TAOK3: variants seen among roughly 807,000 people sequenced by gnomAD.
TAOK3 encodes the protein serine/threonine-protein kinase TAO3.
TAOK3 carries 40 observed loss-of-function variants against 120.4 expected under a neutral mutation model. That is an observed-to-expected ratio of 0.33 (90% confidence interval 0.26 to 0.43). TAOK3 has a LOEUF of 0.43. Among genes scored for constraint, TAOK3 ranks in the 20% least tolerant of loss-of-function variants. The pLI is 1.00. For synonymous variants in TAOK3, 355 were observed against 387.5 expected, an observed-to-expected ratio of 0.92 and a Z score of 0.99; for missense variants, 821 against 1,112.1, an observed-to-expected ratio of 0.74 and a Z score of 3.72.
intron 1 of TAOK3, among the ~76,000 whole-genome samples, chr12:118,306,503 G>C (rs1023956834): frequency 3.3e-5 from 5 of 151,850 alleles, no homozygotes; most frequent in Non-Finnish European, 7.4e-5. Context: ...TTCAACACTT[G>C]GTTTAAATTT....
intron 1 of TAOK3, among the ~76,000 whole-genome samples, chr12:118,315,003 T>C (rs2043399215): frequency 6.6e-6 from 1 of 152,054 alleles, no homozygotes; most frequent in South Asian, 2.1e-4. Flanking sequence ...AGATCTAAGC[T>C]GGCTGCAACC....
chr12:118,287,569 G>A (rs1317901027), intron 1 of TAOK3, among the ~76,000 whole-genome samples: 1 of 152,180 alleles, frequency 6.6e-6, no homozygotes, highest in African/African-American at 2.4e-5. Context: ...TTAGGTCCTA[G>A]TGTCACAGCA....
intron 1 of TAOK3, among the ~76,000 whole-genome samples, chr12:118,273,743 G>C: frequency 6.6e-6 from 1 of 152,036 alleles, no homozygotes; most frequent in Non-Finnish European, 1.5e-5. Flanking sequence ...TTGAACCCAG[G>C]AGGTGGAGGT....
intron 1 of TAOK3, among the ~76,000 whole-genome samples, chr12:118,326,322 T>C (rs2043933577): frequency 6.6e-6 from 1 of 152,222 alleles, no homozygotes; most frequent in Non-Finnish European, 1.5e-5. Context: ...ACTGTGGATA[T>C]GTGAATTTAT....
chr12:118,293,512 A>T (rs1001914818), intron 1 of TAOK3, among the ~76,000 whole-genome samples: 3 of 151,634 alleles, frequency 2.0e-5, no homozygotes, highest in African/African-American at 4.8e-5. Context: ...CCAGTTTCTA[A>T]AAAAAATAAA....
At chr12:118,362,024 G>C (rs1294304459) in intron 1 of TAOK3, among the ~76,000 whole-genome samples, 2 of 152,110 alleles carry the variant, frequency 1.3e-5, no homozygotes, top group Admixed American at 1.3e-4. Context: ...GCAGTCTGGA[G>C]ACTTCCTTAT....
chr12:118,211,628 TTA>T, intron 11 of TAOK3, among the ~76,000 whole-genome samples: 1 of 151,036 alleles, frequency 6.6e-6, no homozygotes, highest in Non-Finnish European at 1.5e-5. Context: ...TTTTTTTTTT[TTA>T]AAGAGATGGT....
chr12:118,251,710 G>A (rs188749953), intron 3 of TAOK3, among the ~76,000 whole-genome samples: 6 of 152,254 alleles, frequency 3.9e-5, no homozygotes, highest in Admixed American at 3.3e-4. Flanking sequence ...CTGCAGCCTA[G>A]TACAACGTAG....
At chr12:118,179,937 T>G (rs1011113687) in intron 15 of TAOK3, among the ~76,000 whole-genome samples, 1 of 142,510 alleles carries the variant, frequency 7.0e-6, no homozygotes, top group Non-Finnish European at 1.5e-5. Flanking sequence ...TGAGCCACCA[T>G]GCCTGGCTGG....
At chr12:118,243,289 T>C in intron 5 of TAOK3, 126 bp downstream of exon 5, 1 of 595,198 alleles carries the variant, frequency 1.7e-6, no homozygotes. Flanking sequence ...AAATGTTAAA[T>C]ACTGATAACA....
chr12:118,281,184 T>G (rs2042087081), intron 1 of TAOK3, among the ~76,000 whole-genome samples: 1 of 152,228 alleles, frequency 6.6e-6, no homozygotes, highest in South Asian at 2.1e-4. Flanking sequence ...GGATACCTTT[T>G]ATTTCTTTCT....
chr12:118,183,017 T>A (rs1020580322), intron 14 of TAOK3, among the ~76,000 whole-genome samples: 1 of 151,986 alleles, frequency 6.6e-6, no homozygotes, highest in Non-Finnish European at 1.5e-5. Context: ...CCTGATCACT[T>A]CCTCCCTATT....
intron 1 of TAOK3, chr12:118,295,242 T>C (rs1026525325): frequency 2.7e-5 from 4 of 150,060 alleles, no homozygotes; most frequent in African/African-American, 9.7e-5. Context: ...GGTCTTACCA[T>C]GTTGGCCGGG....
intron 2 of TAOK3, among the ~76,000 whole-genome samples, chr12:118,258,578 G>C (rs1430735761): frequency 6.6e-6 from 1 of 152,098 alleles, no homozygotes; most frequent in Non-Finnish European, 1.5e-5. Flanking sequence ...GCTAGGTGTG[G>C]TGGTGCTCCT....
intron 1 of TAOK3, among the ~76,000 whole-genome samples, chr12:118,316,333 A>G (rs1038984304): frequency 5.3e-5 from 8 of 152,174 alleles, no homozygotes; most frequent in Admixed American, 1.3e-4. Flanking sequence ...CTACTGAAAG[A>G]GCTCCTACTC....
intron 3 of TAOK3, among the ~76,000 whole-genome samples, chr12:118,251,663 G>A (rs1317677551): frequency 6.6e-6 from 1 of 152,176 alleles, no homozygotes; most frequent in Non-Finnish European, 1.5e-5. Flanking sequence ...TAAATAGACA[G>A]GGCTTAGCCC....
intron 14 of TAOK3, 34 bp from the exon 15 acceptor site, chr12:118,181,641 C>A: frequency 6.3e-7 from 1 of 1,588,334 alleles, no homozygotes; most frequent in South Asian, 1.1e-5. Context: ...CTCAGGTAAC[C>A]AGGTTCATGG....
At chr12:118,352,368 G>A (rs571598862) in intron 1 of TAOK3, among the ~76,000 whole-genome samples, 2 of 151,644 alleles carry the variant, frequency 1.3e-5, no homozygotes, top group East Asian at 4.0e-4. Flanking sequence ...GCCAGGCATG[G>A]TGGCATGCAC....
chr12:118,368,290 G>A (rs562717041), intron 1 of TAOK3, among the ~76,000 whole-genome samples: 2 of 152,062 alleles, frequency 1.3e-5, no homozygotes, highest in South Asian at 4.1e-4. Flanking sequence ...TCCGCCTCCC[G>A]GATTCGAGCG....
Sources: gnomAD v4.1 joint callset for allele counts (sites outside exome capture counted in the v4.1 genomes callset) on GRCh38, gnomAD v4.1.1 for gene constraint, MANE v1.5 for transcripts, NCBI Gene and HGNC (gene_info 2026-07-23, HGNC 2026-07-21) for gene names.